Variants in NCOR2 observed in about 807,000 individuals in gnomAD.
NCOR2 encodes nuclear receptor corepressor 2, also known as CTG repeat protein 26.
Under a neutral mutation model 262.9 loss-of-function variants are expected in NCOR2, and 81 were observed. That is an observed-to-expected ratio of 0.31 (90% CI 0.26 to 0.37). The LOEUF is 0.37. NCOR2 is among the 10% of genes least tolerant of loss of function. The pLI, the probability that NCOR2 is intolerant of heterozygous loss-of-function variation, is 1.00. For missense variants in NCOR2, 3,385 were observed against 3,621.4 expected (o/e 0.93, Z 1.68); for synonymous variants, 1,659 against 1,559.3 (o/e 1.06, Z -1.51).
intron 1 of NCOR2, among the ~76,000 whole-genome samples, chr12:124,559,494 C>T (rs1373474730): frequency 6.6e-6 from 1 of 152,196 alleles, no homozygotes; most frequent in African/African-American, 2.4e-5. Context: ...AGGGTCTGAC[C>T]TTGGTTAAGA....
chr12:124,439,254 G>GAGAGGGAGACAGAAACCC (rs2044646935), intron 7 of NCOR2, among the ~76,000 whole-genome samples: 2 of 146,690 alleles, frequency 1.4e-5, no homozygotes, highest in South Asian at 2.2e-4. Context: ...GACCCAGAGA[G>GAGAGGGAGACAGAAACCC]AGAGAGATGG....
intron 6 of NCOR2, among the ~76,000 whole-genome samples, chr12:124,455,455 A>G (rs1394148797): frequency 6.6e-6 from 1 of 152,210 alleles, no homozygotes; most frequent in Non-Finnish European, 1.5e-5. Flanking sequence ...CCAGGTGGGC[A>G]GCTGGGCCCT....
chr12:124,371,105 C>G (rs561047897), intron 20 of NCOR2, among the ~76,000 whole-genome samples: 1 of 152,342 alleles, frequency 6.6e-6, no homozygotes, highest in East Asian at 1.9e-4. Context: ...TAAATCACAT[C>G]TGGCTCTCTT....
At chr12:124,328,740 G>A (rs2034914099) in intron 44 of NCOR2, 4 of 175,548 alleles carry the variant, frequency 2.3e-5, no homozygotes, top group Admixed American at 1.2e-4. Flanking sequence ...TGGTCAAATC[G>A]TCTTTCCGAC....
chr12:124,527,818 G>C (rs891500395), intron 1 of NCOR2, among the ~76,000 whole-genome samples: 2 of 152,204 alleles, frequency 1.3e-5, no homozygotes, highest in Non-Finnish European at 2.9e-5. Context: ...CTCCCACTTC[G>C]AAGCTCCAGT....
In NCOR2 at chr12:124,545,262, T is replaced by G. The variant is rs1008588823; in HGVS notation, c.-164-9651A>C. 2.6e-5 allele frequency among the ~76,000 whole-genome samples: 4 copies of G among 152,082 alleles called. No individual in the cohort carries two copies. The East Asian group carries it at 7.7e-4, about 29-fold the overall frequency. On this transcript the variant is annotated intron_variant, in intron 1 of 32. Coordinates refer to the NCOR2 transcript ENST00000458234. Reference sequence around the variant, plus strand: ...GGACTGGATAAGAGCCCACCTTCCCTGCCTCCCACCTCCGCAGCAGGCCCA... The same window carrying G: ...GGACTGGATAAGAGCCCACCTTCCCGGCCTCCCACCTCCGCAGCAGGCCCA...
In NCOR2 at chr12:124,432,421, G is replaced by C. The variant is rs2044014138; in HGVS notation, c.883-1634C>G. On this transcript the variant is annotated intron_variant, in intron 8 of 46. Coordinates refer to ENST00000405201, the Ensembl canonical transcript of NCOR2. This position sits in a 1 kb window ranked among gnomAD's most constrained non-coding sequence, Gnocchi z 5.1. ...CCCAAATGGAAGCCACCCACCATGT[G>C]TGGCTCAACTGAAATCACAAATCCA... is the stretch of plus-strand genomic sequence containing the variant. Among the ~76,000 whole-genome samples, 1 of 152,172 alleles carries C rather than the reference G, an allele frequency of 6.6e-6. No individual in the cohort carries two copies. The highest frequency in any genetic ancestry group is 2.4e-5 in the African/African-American group (1 of 41,438).
rs2047471466 is a variant in NCOR2 at position 124,481,354 on chromosome 12, A to T, written c.411+2242T>A. The stretch of plus-strand genomic sequence containing the variant: ...GCGGCCCAAGCCCCAGGCCACAGAG[A>T]CCCCCTTCAAGGCCGGCAGGGCCCC... On this transcript the variant is annotated intron_variant, in intron 3 of 46. Coordinates refer to ENST00000405201, the Ensembl canonical transcript of NCOR2. This position sits in a 1 kb window ranked among gnomAD's most constrained non-coding sequence, Gnocchi z 4.6. Among the ~76,000 whole-genome samples the T allele has an allele frequency of 6.6e-6, 1 of 151,598 alleles. No homozygotes were observed. The highest frequency in any genetic ancestry group is 6.6e-5 in the Admixed American group (1 of 15,240).
chr12:124,381,939 G>A (rs923958954), intron 17 of NCOR2, among the ~76,000 whole-genome samples: 8 of 152,214 alleles, frequency 5.3e-5, no homozygotes, highest in East Asian at 1.9e-4. Context: ...CCGCCCGGCC[G>A]CCGGATCCTG....
intron 24 of NCOR2, chr12:124,355,164 G>A: frequency 1.6e-6 from 1 of 613,696 alleles, no homozygotes; most frequent in East Asian, 2.9e-5. Flanking sequence ...CCATTTCGCA[G>A]TGGGGGAAAC....
At chr12:124,528,083 G>A (rs550219871) in intron 1 of NCOR2, among the ~76,000 whole-genome samples, 7 of 152,090 alleles carry the variant, frequency 4.6e-5, no homozygotes, top group East Asian at 1.9e-4. Context: ...TCCCTTCCAC[G>A]ACTGCCATAA....
intron 42 of NCOR2, 110 bp downstream of exon 44, chr12:124,333,020 G>A (rs375351290): frequency 4.2e-6 from 6 of 1,414,288 alleles, no homozygotes; most frequent in African/African-American, 2.9e-5. Context: ...TCACCCAGCT[G>A]AGCCCTGTGC....
At chr12:124,446,322 G>C (rs531392615) in intron 7 of NCOR2, among the ~76,000 whole-genome samples, 3 of 152,266 alleles carry the variant, frequency 2.0e-5, no homozygotes, top group South Asian at 2.1e-4. Flanking sequence ...CCACCAAAGT[G>C]AACTTTTAAA....
At chr12:124,463,959 G>A (rs1456399686) in intron 5 of NCOR2, among the ~76,000 whole-genome samples, 2 of 152,218 alleles carry the variant, frequency 1.3e-5, no homozygotes, top group South Asian at 2.1e-4. Flanking sequence ...CGTGTGGTGA[G>A]CACTGTTTTA....
At chr12:124,532,264 C>G (rs574341723) in intron 1 of NCOR2, among the ~76,000 whole-genome samples, 1 of 152,070 alleles carries the variant, frequency 6.6e-6, no homozygotes, top group South Asian at 2.1e-4. Flanking sequence ...AAAGGCTGCA[C>G]CCCCCACCCA....
At chr12:124,526,812 A>C (rs1377748411) in intron 1 of NCOR2, among the ~76,000 whole-genome samples, 1 of 152,110 alleles carries the variant, frequency 6.6e-6, no homozygotes, top group Non-Finnish European at 1.5e-5. Context: ...AACAGTAAGA[A>C]GCAGCTAGAA....
intron 34 of NCOR2, among the ~76,000 whole-genome samples, chr12:124,340,968 G>A (rs1315082434): frequency 2.6e-5 from 4 of 152,184 alleles, no homozygotes; most frequent in Non-Finnish European, 4.4e-5. Context: ...TCCCAAGCCC[G>A]AGCCGGGGCA....
At chr12:124,336,820 C>T (rs371238343) in exon 38 of NCOR2, 9 of 1,612,982 alleles carry the variant, frequency 5.6e-6, no homozygotes, top group South Asian at 3.3e-5. Flanking sequence ...GGTGCGGGTC[C>T]GAGGCCGAGG....
exon 31 of NCOR2, chr12:124,346,722 C>A (rs1197069888): frequency 2.6e-6 from 4 of 1,563,862 alleles, no homozygotes; most frequent in Non-Finnish European, 3.5e-6. Flanking sequence ...GGGCCCAGGG[C>A]CTGCGTCTTG....
Sources: gnomAD v4.1 joint callset for allele counts (sites outside exome capture counted in the v4.1 genomes callset) on GRCh38, gnomAD v4.1.1 for gene constraint, Gnocchi (gnomAD v3.1) non-coding constraint, MANE v1.5 for transcripts, NCBI Gene and HGNC (gene_info 2026-07-23, HGNC 2026-07-21) for gene names.